The following OLFM2 variants were observed in gnomAD, a reference collection of about 807,000 sequenced individuals.
OLFM2 encodes the protein noelin-2.
A neutral mutation model predicts 43.9 loss-of-function variants in OLFM2; 20 were observed. That is an observed-to-expected ratio of 0.46 (90% CI 0.32 to 0.66). OLFM2 has a LOEUF of 0.66. OLFM2 is among the 30% of genes least tolerant of loss of function. The pLI, the probability that OLFM2 is intolerant of heterozygous loss-of-function variation, is 0.04. For missense variants in OLFM2, 416 were observed against 643.6 expected, an observed-to-expected ratio of 0.65 and a Z score of 3.83; for synonymous variants, 268 against 278.6, an observed-to-expected ratio of 0.96 and a Z score of 0.38.
rs73500947 is a variant in OLFM2 at position 9,900,188 on chromosome 19, C to A, written c.63+36116G>T. On this transcript the variant is annotated intron_variant, in intron 1 of 5. Coordinates refer to ENST00000264833, the MANE Select transcript of OLFM2 (RefSeq NM_058164.4). ...AAACAGACTCTCTGACTCCCACCCACCCCATGGCCAACAGGAGGCAAATGA... is the reference window on the plus strand; with the variant it reads ...AAACAGACTCTCTGACTCCCACCCAACCCATGGCCAACAGGAGGCAAATGA... 9.0e-3 allele frequency among the ~76,000 whole-genome samples: 1,368 copies of A among 152,170 alleles called. 20 individuals are homozygous for A. The highest frequency in any genetic ancestry group is 0.032 in the African/African-American group (1,312 of 41,488).
chr19:9,854,925 C>G lies in OLFM2; in HGVS notation c.688-62G>C. 1 of 1,282,402 alleles carries G rather than the reference C, an allele frequency of 7.8e-7. No individual in the cohort carries two copies. Among genetic ancestry groups the G allele is most frequent in the Non-Finnish European group, 1.1e-6 (1 of 938,596 alleles). The allele number at this position is 1,282,402 out of a possible 1,614,324, so 79.4% of individuals were successfully genotyped here. A position where few individuals can be genotyped will look rare whatever the true frequency, so the allele number is the denominator to read the frequency against. On this transcript the variant is annotated intron_variant, in intron 5 of 5. Coordinates refer to ENST00000264833, the MANE Select transcript of OLFM2 (RefSeq NM_058164.4). The surrounding 1 kb of genome is among the most constrained non-coding windows in gnomAD (Gnocchi z 9.5). ...CACCAACGACCCAAGGGTCCCAGCA[C>G]CAGCTACAGCCATTAGAGTTCAACA...
intron 1 of OLFM2, among the ~76,000 whole-genome samples, chr19:9,865,492 T>TTC (rs1555724462): frequency 4.6e-5 from 6 of 129,676 alleles, no homozygotes; most frequent in Non-Finnish European, 6.5e-5. Flanking sequence ...TTTCTTTTTT[T>TTC]TTTTTTTTTT....
chr19:9,857,888 C>T lies in OLFM2; in HGVS notation c.214-27G>A. On this transcript the variant is annotated intron_variant, in intron 2 of 5. Transcript: ENST00000264833. The surrounding 1 kb of genome is among the most constrained non-coding windows in gnomAD (Gnocchi z 5.7). ...TAGGAATGGGGACAACTGAAGGGACCAGACCTCCTTCCCCAAATCCCAACC... is the reference window on the plus strand; with the variant it reads ...TAGGAATGGGGACAACTGAAGGGACTAGACCTCCTTCCCCAAATCCCAACC... The T allele has an allele frequency of 1.9e-6, 3 of 1,613,558 alleles. No homozygotes were observed. The South Asian group carries it at 3.3e-5, about 18-fold the overall frequency.
chr19:9,898,028 C>A (rs1185476331), intron 1 of OLFM2, among the ~76,000 whole-genome samples: 1 of 151,230 alleles, frequency 6.6e-6, no homozygotes, highest in East Asian at 2.0e-4. Context: ...CCTCAGCCTT[C>A]CAAGTAGCTG....
chr19:9,890,881 G>C (rs531454000), intron 1 of OLFM2, among the ~76,000 whole-genome samples: 2 of 151,726 alleles, frequency 1.3e-5, no homozygotes, highest in Admixed American at 6.6e-5. Flanking sequence ...TTAAGCCCAG[G>C]AGTTGGAGGC....
chr19:9,923,872 G>C (rs886440347), intron 1 of OLFM2, among the ~76,000 whole-genome samples: 1 of 151,650 alleles, frequency 6.6e-6, no homozygotes, highest in Non-Finnish European at 1.5e-5. Context: ...GGCTAAGGCA[G>C]GTGGATTACC....
Position 9,914,131 on chromosome 19 carries a change from C to T in OLFM2, c.63+22173G>A, listed in dbSNP as rs984167374. 4.6e-5 allele frequency among the ~76,000 whole-genome samples: 7 copies of T among 151,918 alleles called. 1 individual carries two copies. Among genetic ancestry groups the T allele is most frequent in the Admixed American group, 4.6e-4 (7 of 15,298 alleles). On this transcript the variant is annotated intron_variant, in intron 1 of 5. Transcript: ENST00000264833. Reference sequence around the variant, plus strand: ...CGGTGTTCCCGGACCGCCTCCCGCACGCAGACCCTCTTCGAGCCTGAGCCG... The same window carrying T: ...CGGTGTTCCCGGACCGCCTCCCGCATGCAGACCCTCTTCGAGCCTGAGCCG...
chr19:9,857,536 A>G lies in OLFM2; in HGVS notation c.361-54T>C. ...GCCTGACCCCTGGCCTTTGACCCAGACATGACTCCAACCTCTGACTCATAA... is the reference window on the plus strand; with the variant it reads ...GCCTGACCCCTGGCCTTTGACCCAGGCATGACTCCAACCTCTGACTCATAA... On this transcript the variant is annotated intron_variant, in intron 3 of 5. Coordinates refer to ENST00000264833, the MANE Select transcript of OLFM2 (RefSeq NM_058164.4). The surrounding 1 kb of genome is among the most constrained non-coding windows in gnomAD (Gnocchi z 5.7). 6.3e-7 allele frequency: 1 copy of G among 1,590,100 alleles called. No individual in the cohort carries two copies. Among genetic ancestry groups the G allele is most frequent in the Non-Finnish European group, 8.6e-7 (1 of 1,163,866 alleles).
chr19:9,864,705 TCG>T (rs2145438619), intron 1 of OLFM2, among the ~76,000 whole-genome samples: 1 of 151,276 alleles, frequency 6.6e-6, no homozygotes, highest in African/African-American at 2.4e-5. Flanking sequence ...TACTGCAGCC[TCG>T]AACTCCTGGG....
At chr19:9,893,412 G>A (rs1407598290) in intron 1 of OLFM2, among the ~76,000 whole-genome samples, 3 of 152,098 alleles carry the variant, frequency 2.0e-5, no homozygotes, top group Non-Finnish European at 2.9e-5. Context: ...TGATCCACCC[G>A]CCTCCACCTC....
rs752028656 is a variant in OLFM2, at chr19:9,859,809, C to T, written c.213+836G>A. ...CCCTCCAGTCTTCCTTCCTTCCCCC[C>T]ACCCCAATCCCAGTAAGTGCTTGGC... On this transcript the variant is annotated intron_variant, in intron 2 of 5. Transcript: ENST00000264833. Among the ~76,000 whole-genome samples, 68 of 152,180 alleles carry T rather than the reference C, an allele frequency of 4.5e-4. 1 individual carries two copies. The highest frequency in any genetic ancestry group is 4.4e-4 in the Non-Finnish European group (30 of 68,028).
chr19:9,873,767 C>G (rs1259951500), intron 1 of OLFM2, among the ~76,000 whole-genome samples: 1 of 148,310 alleles, frequency 6.7e-6, no homozygotes, highest in Non-Finnish European at 1.5e-5. Context: ...GTAGCTGGGA[C>G]TACCGATGTA....
intron 1 of OLFM2, among the ~76,000 whole-genome samples, chr19:9,930,314 T>C (rs2086474958): frequency 6.6e-6 from 1 of 152,246 alleles, no homozygotes; most frequent in Non-Finnish European, 1.5e-5. Flanking sequence ...CTTGCATCAA[T>C]TTAGATTTTT....
chr19:9,895,524 A>G (rs1300345868), intron 1 of OLFM2, among the ~76,000 whole-genome samples: 1 of 152,022 alleles, frequency 6.6e-6, no homozygotes, highest in Non-Finnish European at 1.5e-5. Context: ...TAAATGTAAA[A>G]TATGACAAAA....
At chr19:9,858,048 C>G in intron 2 of OLFM2, 187 bp from the exon 3 acceptor site, 1 of 704,746 alleles carries the variant, frequency 1.4e-6, no homozygotes, top group East Asian at 2.7e-5. Context: ...ATCGCTCCCT[C>G]CCTACTACCC....
At chr19:9,864,701 A>G (rs1221708464) in intron 1 of OLFM2, among the ~76,000 whole-genome samples, 1 of 150,832 alleles carries the variant, frequency 6.6e-6, no homozygotes, top group East Asian at 2.0e-4. Context: ...AGCTTACTGC[A>G]GCCTCGAACT....
intron 1 of OLFM2, among the ~76,000 whole-genome samples, chr19:9,898,998 G>A (rs568654908): frequency 4.6e-5 from 7 of 152,164 alleles, no homozygotes; most frequent in African/African-American, 9.6e-5. Flanking sequence ...TTCTCACTGC[G>A]TTTGGAATAA....
In OLFM2 at chr19:9,910,430, G is replaced by C. The variant is rs866665828; in HGVS notation, c.63+25874C>G. On this transcript the variant is annotated intron_variant, in intron 1 of 5. Coordinates refer to ENST00000264833, the MANE Select transcript of OLFM2 (RefSeq NM_058164.4). ...CATAGAAGAGGCACTTGATAGTCTT[G>C]TGGAATAGGCCAGGCACTGGTGGCT... Among the ~76,000 whole-genome samples, 167 of 152,162 alleles carry C rather than the reference G, an allele frequency of 1.1e-3. 1 individual carries two copies. Among genetic ancestry groups the C allele is most frequent in the African/African-American group, 3.9e-3 (163 of 41,528 alleles).
At chr19:9,887,855 A>G (rs1259793868) in intron 1 of OLFM2, among the ~76,000 whole-genome samples, 1 of 152,150 alleles carries the variant, frequency 6.6e-6, no homozygotes, top group Non-Finnish European at 1.5e-5. Flanking sequence ...CAACATAGTG[A>G]GACCCCATCT....
Sources: allele counts gnomAD v4.1 joint callset (sites outside exome capture counted in the v4.1 genomes callset), GRCh38; gene constraint gnomAD v4.1.1; non-coding constraint Gnocchi (gnomAD v3.1); transcripts MANE v1.5; gene names NCBI Gene and HGNC (gene_info 2026-07-23, HGNC 2026-07-21).